Variants in SLC3A2 observed in about 807,000 individuals in gnomAD.
SLC3A2 encodes amino acid transporter heavy chain SLC3A2.
Under a neutral mutation model 48.5 loss-of-function variants are expected in SLC3A2, and 32 were observed. That is an observed-to-expected ratio of 0.66 (90% CI 0.50 to 0.89). The LOEUF (loss-of-function observed/expected upper bound fraction) is 0.89, where lower values mean the gene tolerates loss of function less well. Among genes scored for constraint, SLC3A2 ranks in the 40% least tolerant of loss-of-function variants. The pLI is 0.00. For synonymous variants in SLC3A2, 277 were observed against 288.8 expected (o/e 0.96, Z 0.41); for missense variants, 587 against 680.7 (o/e 0.86, Z 1.53).
intron 7 of SLC3A2, 135 bp downstream of exon 7, chr11:62,885,743 T>C: frequency 2.0e-6 from 2 of 978,610 alleles, no homozygotes; most frequent in South Asian, 1.6e-5. Context: ...TGAGTGGCTA[T>C]GTGGCTTTGG....
upstream of SLC3A2, among the ~76,000 whole-genome samples, chr11:62,879,265 T>G (rs185332308): frequency 6.6e-6 from 1 of 152,274 alleles, no homozygotes. Flanking sequence ...CCAGATAATT[T>G]TAAAATTTAT....
At chr11:62,871,841 G>C (rs879772708) in intron 1 of SLC3A2, among the ~76,000 whole-genome samples, 3 of 151,886 alleles carry the variant, frequency 2.0e-5, no homozygotes, top group Non-Finnish European at 2.9e-5. Flanking sequence ...ATTTGTATTA[G>C]AATTGCATTT....
At chr11:62,861,167 G>A (rs1015005913) in intron 1 of SLC3A2, among the ~76,000 whole-genome samples, 1 of 147,646 alleles carries the variant, frequency 6.8e-6, no homozygotes, top group Non-Finnish European at 1.5e-5. Flanking sequence ...TATGGAGCCC[G>A]TCTCTACAAA....
intron 1 of SLC3A2, among the ~76,000 whole-genome samples, chr11:62,871,829 A>G (rs1326452223): frequency 1.3e-5 from 2 of 152,040 alleles, no homozygotes; most frequent in African/African-American, 4.8e-5. Flanking sequence ...CCAGATATTA[A>G]GATTTGTATT....
chr11:62,872,514 CA>C (rs927458969), intron 1 of SLC3A2, among the ~76,000 whole-genome samples: 2 of 152,000 alleles, frequency 1.3e-5, no homozygotes, highest in Non-Finnish European at 2.9e-5. Context: ...GACCCTGTCT[CA>C]AAAAAACCCA....
intron 1 of SLC3A2, among the ~76,000 whole-genome samples, chr11:62,856,819 T>C (rs910074534): frequency 4.8e-5 from 5 of 104,650 alleles, no homozygotes; most frequent in African/African-American, 1.5e-4. Flanking sequence ...ATAAACATTT[T>C]TTTCTTTCTT....
Position 62,888,441 on chromosome 11 carries a change from G to A in SLC3A2, c.1338G>A (p.Gly446=). 6.2e-7 allele frequency: 1 copy of A among 1,614,224 alleles called. No homozygotes were observed. Among genetic ancestry groups the A allele is most frequent in the Non-Finnish European group, 8.5e-7 (1 of 1,180,036 alleles). ...LHGDFHAFSA[G]PGLFSYIRHW... ...GGGACTTCCACGCGTTCTCCGCTGG[G>A]CCTGGACTCTTCTCCTATATCCGCC... is the stretch of plus-strand genomic sequence containing the variant. The change falls in exon 9 of 9, where the codon GGG becomes GGA. Residue 446 remains glycine, a synonymous_variant. Transcript: ENST00000338663.
At chr11:62,888,285 C>T (rs770457933) in intron 8 of SLC3A2, 46 bp from the exon 9 acceptor site, 28 of 1,609,076 alleles carry the variant, frequency 1.7e-5, no homozygotes, top group Non-Finnish European at 2.3e-5. Context: ...AGTCTGTACC[C>T]AGGGGAGCCC....
chr11:62,885,335 G>T lies in SLC3A2; in HGVS notation c.977G>T (p.Gly326Val). 1 of 1,614,234 alleles carries T rather than the reference G, an allele frequency of 6.2e-7. No homozygotes were observed. The highest frequency in any genetic ancestry group is 1.1e-5 in the South Asian group (1 of 91,090). ...SLVTQYLNAT[G>V]NRWCSWSLSQ... ...GTCACACAGTATTTGAATGCCACTG[G>T]CAATCGCTGGTGCAGCTGGAGTGTG... Residue 326 changes from glycine to valine, a missense_variant, in exon 6 of 9, where the codon GGC (glycine) becomes GTC (valine). This residue lies in a region of SLC3A2 where 409 missense variants were observed against 446.7 expected (regional missense o/e 0.92). Coordinates refer to ENST00000338663, the MANE Select transcript of SLC3A2 (RefSeq NM_001013251.3).
At chr11:62,876,879 G>A, upstream of SLC3A2, 1 of 1,042,226 alleles carries the variant, frequency 9.6e-7, no homozygotes. Context: ...TGGGATTACA[G>A]GTGAGCCACA....
Position 62,881,404 on chromosome 11 carries a change from C to G in SLC3A2, c.381C>G (p.Gly127=). ...WWHTGALYRI[G]DLQAFQGHGA... Reference sequence around the variant, plus strand: ...ACACGGGCGCCCTCTACCGCATCGGCGACCTTCAGGCCTTCCAGGGCCACG... The same window carrying G: ...ACACGGGCGCCCTCTACCGCATCGGGGACCTTCAGGCCTTCCAGGGCCACG... Residue 127 remains glycine (G), a synonymous_variant, in exon 1 of 9, where the codon GGC becomes GGG. Coordinates refer to ENST00000338663, the MANE Select transcript of SLC3A2 (RefSeq NM_001013251.3). The surrounding 1 kb of genome is among the most constrained non-coding windows in gnomAD (Gnocchi z 4.0). The G allele has an allele frequency of 6.3e-7, 1 of 1,594,986 alleles. No homozygotes were observed. The highest frequency in any genetic ancestry group is 8.5e-7 in the Non-Finnish European group (1 of 1,177,786).
intron 1 of SLC3A2, among the ~76,000 whole-genome samples, chr11:62,857,384 A>G (rs1022961151): frequency 6.6e-6 from 1 of 152,070 alleles, no homozygotes; most frequent in African/African-American, 2.4e-5. Flanking sequence ...TCAGCCTCCC[A>G]AACTGCTGGG....
chr11:62,880,847 G>T, upstream of SLC3A2: 1 of 1,356,468 alleles, frequency 7.4e-7, no homozygotes, highest in Non-Finnish European at 9.7e-7. Context: ...GGGGCGGGCC[G>T]GGGCGGGGCT....
Position 62,882,985 on chromosome 11 carries a change from G to A in SLC3A2, c.676G>A (p.Ala226Thr). 2 of 1,614,176 alleles carry A rather than the reference G, an allele frequency of 1.2e-6. No individual in the cohort carries two copies. Among genetic ancestry groups the A allele is most frequent in the South Asian group, 1.1e-5 (1 of 91,090 alleles). The change falls in exon 3 of 9, where the codon GCC (alanine) becomes ACC (threonine). Residue 226 changes from alanine (A) to threonine (T), a missense_variant. Coordinates refer to ENST00000338663, the MANE Select transcript of SLC3A2 (RefSeq NM_001013251.3). ...SWFSTQVDTVATKVKDALEFW... is the reference protein window; with the variant it reads ...SWFSTQVDTVTTKVKDALEFW... ...GTTCTCCACTCAGGTTGACACTGTG[G>A]CCACCAAGGTGAAGGTGAGTGTTGG... is the stretch of plus-strand genomic sequence containing the variant.
chr11:62,882,693 G>GGTCT, intron 2 of SLC3A2: 1 of 520,626 alleles, frequency 1.9e-6, no homozygotes, highest in Non-Finnish European at 3.5e-6. Context: ...CATGTTGACC[G>GGTCT]GTCTGGTTTT....
At chr11:62,877,236 T>C (rs1460117399), upstream of SLC3A2, among the ~76,000 whole-genome samples, 3 of 152,044 alleles carry the variant, frequency 2.0e-5, no homozygotes, top group Non-Finnish European at 1.5e-5. Flanking sequence ...AATTTTTGTA[T>C]TTTTAGTAGA....
intron 5 of SLC3A2, 126 bp from the exon 6 acceptor site, chr11:62,885,051 G>T: frequency 2.0e-6 from 2 of 1,013,050 alleles, no homozygotes; most frequent in South Asian, 1.5e-5. Flanking sequence ...AGCCAGTCTC[G>T]AACTCCTGAC....
At chr11:62,874,991 G>A (rs533442178) in intron 1 of SLC3A2, among the ~76,000 whole-genome samples, 2 of 152,216 alleles carry the variant, frequency 1.3e-5, no homozygotes, top group Middle Eastern at 3.4e-3. Context: ...TCGAATTCCT[G>A]ACTTCAAATG....
exon 1 of SLC3A2, chr11:62,856,235 C>T (rs2085317752): frequency 6.4e-7 from 1 of 1,559,470 alleles, no homozygotes; most frequent in Admixed American, 1.7e-5. Context: ...GCCCCTTGCC[C>T]ACACACCCCA....
Sources: allele counts gnomAD v4.1 joint callset (sites outside exome capture counted in the v4.1 genomes callset), GRCh38; gene constraint gnomAD v4.1.1; regional missense constraint gnomAD v4.1.1; non-coding constraint Gnocchi (gnomAD v3.1); transcripts MANE v1.5; gene names NCBI Gene and HGNC (gene_info 2026-07-23, HGNC 2026-07-21).